Variants in LRRC37B observed in about 807,000 individuals in gnomAD.
LRRC37B encodes leucine-rich repeat-containing protein 37B.
LRRC37B carries 28 observed loss-of-function variants against 98.3 expected under a neutral mutation model. The ratio of observed to expected loss-of-function variants is 0.28; its 90% CI spans 0.21 to 0.39. The LOEUF (loss-of-function observed/expected upper bound fraction) is 0.39, where lower values mean the gene tolerates loss of function less well. Ranked by LOEUF, LRRC37B falls within the 10% of genes least tolerant of loss-of-function variation. The probability of loss-of-function intolerance (pLI) is 1.00; values close to 1 mark genes in which losing one functional copy is unlikely to be tolerated. For missense variants in LRRC37B, 938 were observed against 1,182.7 expected, an observed-to-expected ratio of 0.79 and a Z score of 3.03; for synonymous variants, 364 against 442.7, an observed-to-expected ratio of 0.82 and a Z score of 2.23.
Position 32,035,653 on chromosome 17 carries a change from TCTTAGATTTATTTTTA to T in LRRC37B, c.2204+20_2204+35del. On this transcript the variant is annotated intron_variant, in intron 7 of 11. Transcript: ENST00000327564. Reference sequence around the variant, plus strand: ...ACTGGAAAAACTGTAAGTTATTTTTTCTTAGATTTATTTTTACTTAGTTGGTTTTTTAGGTTTGTTT... The same window carrying T: ...ACTGGAAAAACTGTAAGTTATTTTTTCTTAGTTGGTTTTTTAGGTTTGTTT... 1 of 1,595,412 alleles carries T rather than the reference TCTTAGATTTATTTTTA, an allele frequency of 6.3e-7. No individual in the cohort carries two copies. The highest frequency in any genetic ancestry group is 8.5e-7 in the Non-Finnish European group (1 of 1,170,740).
chr17:32,012,571 C>G (rs1464246736), intron 1 of LRRC37B, among the ~76,000 whole-genome samples: 1 of 150,944 alleles, frequency 6.6e-6, no homozygotes, highest in African/African-American at 2.4e-5. Flanking sequence ...AGAAAAACAG[C>G]CTGGTGTGGT....
exon 1 of LRRC37B, chr17:32,021,552 C>A: frequency 6.2e-7 from 1 of 1,614,084 alleles, no homozygotes; most frequent in South Asian, 1.1e-5. Flanking sequence ...AGAGGTGGTT[C>A]CGCTTCTCAA....
At chr17:32,052,922 G>A in intron 11 of LRRC37B, 1 of 193,120 alleles carries the variant, frequency 5.2e-6, no homozygotes, top group South Asian at 9.4e-5. Context: ...TCCAGCCTGA[G>A]TGACAGAGGG....
intron 8 of LRRC37B, 57 bp from the exon 12 acceptor site, chr17:32,047,704 G>T (rs1009807671): frequency 6.2e-7 from 1 of 1,612,248 alleles, no homozygotes; most frequent in Admixed American, 1.7e-5. Context: ...TATGGACTGA[G>T]TATGAAAGAT....
intron 11 of LRRC37B, among the ~76,000 whole-genome samples, chr17:32,050,813 A>G (rs192698798): frequency 3.9e-5 from 6 of 152,292 alleles, no homozygotes; most frequent in South Asian, 2.1e-4. Context: ...TCTAAAGCCT[A>G]CATCTGGCTA....
intron 7 of LRRC37B, among the ~76,000 whole-genome samples, chr17:32,036,846 T>G (rs1911256781): frequency 6.6e-6 from 1 of 152,128 alleles, no homozygotes. Flanking sequence ...TACCTAGGAG[T>G]TGGATTCTTC....
exon 1 of LRRC37B, chr17:32,022,413 C>T (rs1910824110): frequency 6.2e-7 from 1 of 1,613,438 alleles, no homozygotes; most frequent in South Asian, 1.1e-5. Context: ...GGACCTGGAG[C>T]TTAGCATAAC....
intron 1 of LRRC37B, among the ~76,000 whole-genome samples, chr17:32,010,328 C>A (rs1171774583): frequency 6.6e-6 from 1 of 152,196 alleles, no homozygotes; most frequent in Non-Finnish European, 1.5e-5. Flanking sequence ...ATGAACACTG[C>A]AGTTTGAATT....
intron 7 of LRRC37B, among the ~76,000 whole-genome samples, chr17:32,045,003 A>G (rs530015937): frequency 5.3e-5 from 8 of 152,334 alleles, no homozygotes; most frequent in African/African-American, 1.7e-4. Flanking sequence ...CAACTCCATC[A>G]GTGATAATCT....
chr17:32,043,237 AAG>A (rs1911493429), intron 7 of LRRC37B, among the ~76,000 whole-genome samples: 1 of 152,232 alleles, frequency 6.6e-6, no homozygotes, highest in Non-Finnish European at 1.5e-5. Context: ...AAAGGAAAAA[AAG>A]AAAATGTTTA....
chr17:32,041,614 A>G (rs539215607), intron 7 of LRRC37B: 17 of 467,326 alleles, frequency 3.6e-5, no homozygotes, highest in East Asian at 6.4e-5. Flanking sequence ...CCTGCTGCCA[A>G]GGCGGTGTCC....
At chr17:32,023,612 G>A (rs1910865333) in intron 1 of LRRC37B, among the ~76,000 whole-genome samples, 1 of 152,208 alleles carries the variant, frequency 6.6e-6, no homozygotes, top group African/African-American at 2.4e-5. Context: ...GATTATGCTA[G>A]TTACCATTTC....
chr17:32,046,493 T>G (rs537626363), intron 8 of LRRC37B, among the ~76,000 whole-genome samples: 1 of 152,356 alleles, frequency 6.6e-6, no homozygotes, highest in South Asian at 2.1e-4. Flanking sequence ...AAAATGTGAC[T>G]GCTTGAATAC....
intron 7 of LRRC37B, among the ~76,000 whole-genome samples, chr17:32,038,279 T>G (rs1180581840): frequency 1.3e-5 from 2 of 151,808 alleles, no homozygotes; most frequent in African/African-American, 2.4e-5. Flanking sequence ...GGCAATATGG[T>G]GAAACCTTGT....
chr17:32,050,035 G>A, exon 11 of LRRC37B: 1 of 1,581,950 alleles, frequency 6.3e-7, no homozygotes. Context: ...ATGACTATAA[G>A]AACAAACTCA....
At chr17:32,034,237 C>T (rs1408871091) in intron 5 of LRRC37B, among the ~76,000 whole-genome samples, 7 of 152,034 alleles carry the variant, frequency 4.6e-5, no homozygotes, top group African/African-American at 1.4e-4. Flanking sequence ...CGCAGTGTCT[C>T]AGGCCTGTAA....
chr17:32,016,141 T>C (rs1567612228), upstream of LRRC37B, among the ~76,000 whole-genome samples: 2 of 152,342 alleles, frequency 1.3e-5, no homozygotes, highest in South Asian at 4.1e-4. Context: ...AGAACATCCA[T>C]GTAGATCCTT....
chr17:32,008,387 T>C (rs912995620), intron 1 of LRRC37B, among the ~76,000 whole-genome samples: 8 of 152,200 alleles, frequency 5.3e-5, no homozygotes, highest in Non-Finnish European at 2.9e-5. Context: ...AACTCCCTTT[T>C]TTTCTCCTCA....
intron 1 of LRRC37B, among the ~76,000 whole-genome samples, chr17:32,023,486 TAA>T (rs1428010120): frequency 6.6e-6 from 1 of 152,180 alleles, no homozygotes; most frequent in Non-Finnish European, 1.5e-5. Context: ...TCTAAGTGGT[TAA>T]GAGTTGATTC....
Sources: allele counts gnomAD v4.1 joint callset (sites outside exome capture counted in the v4.1 genomes callset), GRCh38; gene constraint gnomAD v4.1.1; transcripts MANE v1.5; gene names NCBI Gene and HGNC (gene_info 2026-07-23, HGNC 2026-07-21).